Variants in PAFAH1B1 observed in about 807,000 individuals in gnomAD.
PAFAH1B1 encodes platelet activating factor acetylhydrolase 1b regulatory subunit 1.
PAFAH1B1 carries 2 observed loss-of-function variants against 57.5 expected under a neutral mutation model. The observed-to-expected ratio is 0.03, with a 90% confidence interval of 0.01 to 0.11. The LOEUF is 0.11. Among genes scored for constraint, PAFAH1B1 ranks in the 10% least tolerant of loss-of-function variants. PAFAH1B1 has a pLI of 1.00. For synonymous variants in PAFAH1B1, 152 were observed against 169.6 expected (o/e 0.90, Z 0.81); for missense variants, 257 against 512.0 (o/e 0.50, Z 4.81).
intron 2 of PAFAH1B1, chr17:2,640,478 G>A (rs372352988): frequency 1.4e-5 from 2 of 138,100 alleles, no homozygotes; most frequent in Admixed American, 1.5e-4. Flanking sequence ...TTGAGACAGA[G>A]CCTCGCACTG....
rs139530637 is a variant in PAFAH1B1 at position 2,648,592 on chromosome 17, C to G, written c.32+10272C>G. 4.0e-5 allele frequency among the ~76,000 whole-genome samples: 6 copies of G among 151,326 alleles called. No individual in the cohort carries two copies. In the East Asian group the frequency reaches 1.2e-3, roughly 30 times the overall value. ...AATTGGGAGGCTGAGGTGGGAGACTCTCATGAGCCCAGGGGGCAGAGGTTG... is the reference window on the plus strand; with the variant it reads ...AATTGGGAGGCTGAGGTGGGAGACTGTCATGAGCCCAGGGGGCAGAGGTTG... On this transcript the variant is annotated intron_variant, in intron 2 of 10. Coordinates refer to ENST00000397195, the MANE Select transcript of PAFAH1B1 (RefSeq NM_000430.4).
chr17:2,644,106 G>A (rs1393489208), intron 2 of PAFAH1B1, among the ~76,000 whole-genome samples: 1 of 149,992 alleles, frequency 6.7e-6, no homozygotes, highest in African/African-American at 2.4e-5. Flanking sequence ...TCACTCTTGG[G>A]CCCAAGCCTC....
chr17:2,612,078 C>G (rs902883383), intron 1 of PAFAH1B1, among the ~76,000 whole-genome samples: 2 of 151,878 alleles, frequency 1.3e-5, no homozygotes, highest in African/African-American at 2.4e-5. Flanking sequence ...TGGTTTAACC[C>G]TAGTAGTATC....
intron 6 of PAFAH1B1, 43 bp from the exon 7 acceptor site, chr17:2,672,612 G>T: frequency 7.8e-7 from 1 of 1,276,144 alleles, no homozygotes; most frequent in Non-Finnish European, 1.1e-6. Context: ...CATTGCTCTT[G>T]GTGGTATATT....
At chr17:2,611,126 G>A (rs1285365575) in intron 1 of PAFAH1B1, among the ~76,000 whole-genome samples, 2 of 152,100 alleles carry the variant, frequency 1.3e-5, no homozygotes, top group African/African-American at 4.8e-5. Flanking sequence ...ATTTGAAGGT[G>A]GGTAGAGAAT....
At chr17:2,657,101 C>T (rs1369505505) in intron 2 of PAFAH1B1, among the ~76,000 whole-genome samples, 1 of 152,148 alleles carries the variant, frequency 6.6e-6, no homozygotes, top group African/African-American at 2.4e-5. Flanking sequence ...TGTTCTTTGA[C>T]ACAAGTGTTT....
At chr17:2,643,554 CT>C (rs34038838) in intron 2 of PAFAH1B1, among the ~76,000 whole-genome samples, 48,129 of 145,810 alleles carry the variant, frequency 0.33, 7,836 homozygotes, top group Middle Eastern at 0.39. Flanking sequence ...ACACACCTGG[CT>C]TTTTTTTTTT....
At chr17:2,663,342 C>T (rs751695001) in intron 2 of PAFAH1B1, among the ~76,000 whole-genome samples, 5 of 152,086 alleles carry the variant, frequency 3.3e-5, no homozygotes, top group Non-Finnish European at 7.4e-5. Context: ...CCCAGAAGCA[C>T]CCTTTAGGCT....
At chr17:2,620,811 G>A (rs1006328452) in intron 1 of PAFAH1B1, among the ~76,000 whole-genome samples, 6 of 151,402 alleles carry the variant, frequency 4.0e-5, no homozygotes, top group African/African-American at 7.3e-5. Context: ...GCGGTGAGCC[G>A]AGATCACACC....
intron 2 of PAFAH1B1, among the ~76,000 whole-genome samples, chr17:2,648,888 A>T (rs924174508): frequency 6.6e-6 from 1 of 151,692 alleles, no homozygotes; most frequent in Non-Finnish European, 1.5e-5. Flanking sequence ...TCAGCAAGAA[A>T]CTAAGAGTTC....
In PAFAH1B1 at chr17:2,610,857, C is replaced by T. The variant is rs139634458; in HGVS notation, c.-191+16851C>T. ...TTAGTGTGGGAGACCAATCACATCACATGAGTCAGTCTGAAAGAGTGGATA... is the reference window on the plus strand; with the variant it reads ...TTAGTGTGGGAGACCAATCACATCATATGAGTCAGTCTGAAAGAGTGGATA... On this transcript the variant is annotated intron_variant, in intron 1 of 10. Coordinates refer to ENST00000397195, the MANE Select transcript of PAFAH1B1 (RefSeq NM_000430.4). 1.3e-3 allele frequency among the ~76,000 whole-genome samples: 196 copies of T among 152,300 alleles called. 5 individuals are homozygous for T. The East Asian group carries it at 0.034, about 26-fold the overall frequency.
intron 1 of PAFAH1B1, among the ~76,000 whole-genome samples, chr17:2,621,859 C>T (rs943276917): frequency 6.6e-5 from 10 of 151,912 alleles, no homozygotes; most frequent in South Asian, 2.1e-4. Context: ...AAGGCATAAC[C>T]GAAACTGGGA....
intron 2 of PAFAH1B1, among the ~76,000 whole-genome samples, chr17:2,649,064 G>T (rs555099741): frequency 2.0e-5 from 3 of 151,926 alleles, no homozygotes; most frequent in Non-Finnish European, 2.9e-5. Flanking sequence ...TGGTTTCAGG[G>T]CCAGGTGGGG....
At chr17:2,624,918 G>A (rs557695540) in intron 1 of PAFAH1B1, among the ~76,000 whole-genome samples, 41 of 152,210 alleles carry the variant, frequency 2.7e-4, no homozygotes, top group Middle Eastern at 3.4e-3. Flanking sequence ...ATGAATTACC[G>A]GATAAGTCTT....
chr17:2,653,280 G>T (rs1414941754), intron 2 of PAFAH1B1, among the ~76,000 whole-genome samples: 1 of 152,094 alleles, frequency 6.6e-6, no homozygotes, highest in Non-Finnish European at 1.5e-5. Context: ...TGAGGTGAGG[G>T]GAGAGGGGAG....
intron 2 of PAFAH1B1, chr17:2,661,980 G>T (rs1170704659): frequency 6.6e-6 from 1 of 151,320 alleles, no homozygotes; most frequent in Non-Finnish European, 1.5e-5. Context: ...GAACCCAGGA[G>T]GCGGAGGTTG....
intron 1 of PAFAH1B1, among the ~76,000 whole-genome samples, chr17:2,610,779 A>T (rs978466758): frequency 6.6e-6 from 1 of 152,208 alleles, no homozygotes; most frequent in Non-Finnish European, 1.5e-5. Flanking sequence ...TGTAATTATT[A>T]TTATCCTCTT....
In PAFAH1B1 at chr17:2,683,392, T is replaced by TGC. The variant is rs2069416413; in HGVS notation, c.*1592_*1593dup. The TGC allele has an allele frequency of 6.6e-6, 1 of 152,332 alleles. No individual in the cohort carries two copies. The highest frequency in any genetic ancestry group is 1.9e-4 in the East Asian group (1 of 5,194). The allele number at this position is 152,332 out of a possible 1,614,324, so 9.4% of individuals were successfully genotyped here. A position where few individuals can be genotyped will look rare whatever the true frequency, so the allele number is the denominator to read the frequency against. ...GTTTAACAAAGATAAAATTCTGAAC[T>TGC]GCGTTTTATTCATTTGTGTACTATG... On this transcript the variant is annotated 3_prime_UTR_variant, in exon 11 of 11. Transcript: ENST00000397195.
chr17:2,651,269 G>A (rs922672045), intron 2 of PAFAH1B1, among the ~76,000 whole-genome samples: 3 of 151,930 alleles, frequency 2.0e-5, no homozygotes, highest in Non-Finnish European at 4.4e-5. Flanking sequence ...TTTGATTATT[G>A]TAGCTTTACA....
Sources: gnomAD v4.1 joint callset for allele counts (sites outside exome capture counted in the v4.1 genomes callset) on GRCh38, gnomAD v4.1.1 for gene constraint, MANE v1.5 for transcripts, NCBI Gene and HGNC (gene_info 2026-07-23, HGNC 2026-07-21) for gene names.